Variants in KIF3B observed in about 807,000 individuals in gnomAD.
KIF3B encodes kinesin-like protein KIF3B.
A neutral mutation model predicts 74.3 loss-of-function variants in KIF3B; 38 were observed. That is an observed-to-expected ratio of 0.51 (90% CI 0.39 to 0.67). The LOEUF is 0.67. Ranked by LOEUF, KIF3B falls within the 30% of genes least tolerant of loss-of-function variation. The pLI is 0.00. For synonymous variants in KIF3B, 326 were observed against 342.5 expected (o/e 0.95, Z 0.53); for missense variants, 649 against 932.0 (o/e 0.70, Z 3.95).
intron 5 of KIF3B, among the ~76,000 whole-genome samples, chr20:32,325,055 A>G (rs764180796): frequency 6.6e-6 from 1 of 152,162 alleles, no homozygotes; most frequent in Admixed American, 6.5e-5. Context: ...AATTAATTAA[A>G]TGTGTGTGTC....
intron 1 of KIF3B, among the ~76,000 whole-genome samples, chr20:32,280,300 C>T (rs190526806): frequency 6.6e-6 from 1 of 152,196 alleles, no homozygotes; most frequent in East Asian, 1.9e-4. Flanking sequence ...ATACCAGGTC[C>T]GTCAACCATA....
chr20:32,305,570 C>CAT (rs2047765949), intron 1 of KIF3B, among the ~76,000 whole-genome samples: 1 of 86,906 alleles, frequency 1.2e-5, no homozygotes. Flanking sequence ...ACTCCCCCAC[C>CAT]TTTTTTTTTT....
chr20:32,331,405 C>G lies in KIF3B; in HGVS notation c.*86C>G. Reference sequence around the variant, plus strand: ...AAAAAGCTGCAGAGAGGATTCGGCCCAAACTCAGAACTGTTCCCCTGAGGA... The same window carrying G: ...AAAAAGCTGCAGAGAGGATTCGGCCGAAACTCAGAACTGTTCCCCTGAGGA... On this transcript the variant is annotated 3_prime_UTR_variant, in exon 9 of 9. Transcript: ENST00000375712. 1 of 1,099,476 alleles carries G rather than the reference C, an allele frequency of 9.1e-7. No homozygotes were observed. The allele number at this position is 1,099,476 out of a possible 1,614,324, so 68.1% of individuals were successfully genotyped here.
intron 5 of KIF3B, among the ~76,000 whole-genome samples, chr20:32,323,385 C>G (rs1038611921): frequency 6.6e-6 from 1 of 150,790 alleles, no homozygotes. Context: ...TGAGGCAATT[C>G]TTTTTATTTT....
At position 32,277,701 on chromosome 20, in the gene KIF3B, C is replaced by T. The variant is rs1191934688; in HGVS notation, c.-130C>T. On this transcript the variant is annotated 5_prime_UTR_variant, in exon 1 of 9. Transcript: ENST00000375712. ...GGGGAATGGCTGAGCCAGGGGTTCG[C>T]CGCCCCCGCCGCCGCCGCCGCCGCC... The T allele has an allele frequency of 1.1e-5, 3 of 263,450 alleles. No individual in the cohort carries two copies. The highest frequency in any genetic ancestry group is 2.1e-5 in the Non-Finnish European group (3 of 145,190). The allele number at this position is 263,450 out of a possible 1,614,324, so 16.3% of individuals were successfully genotyped here. A position where few individuals can be genotyped will look rare whatever the true frequency, so the allele number is the denominator to read the frequency against.
chr20:32,327,783 T>A (rs2047911512), intron 7 of KIF3B, 122 bp downstream of exon 7: 1 of 594,394 alleles, frequency 1.7e-6, no homozygotes, highest in African/African-American at 1.9e-5. Context: ...AAGACATTTA[T>A]ACCAATAACA....
At chr20:32,311,948 G>C (rs2047802709) in intron 2 of KIF3B, among the ~76,000 whole-genome samples, 1 of 151,540 alleles carries the variant, frequency 6.6e-6, no homozygotes, top group Non-Finnish European at 1.5e-5. Context: ...GATTACAGGT[G>C]CCTGCCACCA....
chr20:32,297,215 G>C (rs2122670820), intron 1 of KIF3B, among the ~76,000 whole-genome samples: 1 of 152,310 alleles, frequency 6.6e-6, no homozygotes, highest in African/African-American at 2.4e-5. Context: ...AGGTGGTTGC[G>C]TGATCTGATC....
Position 32,325,653 on chromosome 20 carries a change from C to CTTTTTTTTTTTTTTTT in KIF3B, c.1749-1117_1749-1116insTTTTTTTTTTTTTTTT, listed in dbSNP as rs200570783. Among the ~76,000 whole-genome samples the CTTTTTTTTTTTTTTTT allele has an allele frequency of 5.5e-5, 5 of 90,302 alleles. 1 individual carries two copies. Among genetic ancestry groups the CTTTTTTTTTTTTTTTT allele is most frequent in the African/African-American group, 1.6e-4 (4 of 25,740 alleles). The allele number at this position is 90,302 out of a possible 152,430, so 59.2% of individuals were successfully genotyped here. ...TTTTCATTATTATCTCTCTCTCTCT[C>CTTTTTTTTTTTTTTTT]TCTTTTTTTTTTTTTTTTTTTTTTT... On this transcript the variant is annotated intron_variant, in intron 5 of 8. Coordinates refer to ENST00000375712, the MANE Select transcript of KIF3B (RefSeq NM_004798.4).
At chr20:32,284,096 AT>A (rs1048781786) in intron 1 of KIF3B, among the ~76,000 whole-genome samples, 2 of 151,056 alleles carry the variant, frequency 1.3e-5, no homozygotes, top group Admixed American at 6.6e-5. Context: ...AAAAAAAAAA[AT>A]TTTTGTTTTT....
At chr20:32,291,651 T>C (rs1284994025) in intron 1 of KIF3B, among the ~76,000 whole-genome samples, 1 of 151,212 alleles carries the variant, frequency 6.6e-6, no homozygotes, top group African/African-American at 2.4e-5. Context: ...AGTCTCGCTC[T>C]GTCACCCGGG....
chr20:32,312,882 C>T (rs1009663570), intron 2 of KIF3B, among the ~76,000 whole-genome samples: 1 of 152,172 alleles, frequency 6.6e-6, no homozygotes, highest in Non-Finnish European at 1.5e-5. Flanking sequence ...TGAAACACCT[C>T]GCAGCAGGGT....
chr20:32,321,172 G>A (rs1236908893), intron 5 of KIF3B, among the ~76,000 whole-genome samples: 1 of 152,096 alleles, frequency 6.6e-6, no homozygotes, highest in Non-Finnish European at 1.5e-5. Flanking sequence ...GCTCATGCCT[G>A]TAATCCCAGC....
In KIF3B at chr20:32,310,334, G is replaced by A. The variant is rs983286168; in HGVS notation, c.557G>A (p.Ser186Asn). 4.3e-6 allele frequency: 7 copies of A among 1,613,942 alleles called. No individual in the cohort carries two copies. The highest frequency in any genetic ancestry group is 2.2e-5 in the East Asian group (1 of 44,892). The change falls in exon 2 of 9, where the codon AGT (serine) becomes AAT (asparagine). Residue 186 changes from serine (S) to asparagine (N), a missense_variant. Coordinates refer to ENST00000375712, the MANE Select transcript of KIF3B (RefSeq NM_004798.4). The surrounding 1 kb of genome is among the most constrained non-coding windows in gnomAD (Gnocchi z 6.5). ...VKDLSSFVTK[S>N]VKEIEHVMNV... The stretch of plus-strand genomic sequence containing the variant: ...GACCTGTCTTCCTTTGTCACCAAGA[G>A]TGTGAAGGAGATAGAGCATGTGATG...
intron 5 of KIF3B, among the ~76,000 whole-genome samples, chr20:32,323,082 A>C (rs1212970588): frequency 9.4e-6 from 1 of 106,762 alleles, no homozygotes; most frequent in Non-Finnish European, 1.8e-5. Flanking sequence ...ATATATTTAT[A>C]TATATTTATA....
intron 2 of KIF3B, among the ~76,000 whole-genome samples, chr20:32,314,356 A>G (rs541618390): frequency 6.6e-6 from 1 of 152,286 alleles, no homozygotes; most frequent in African/African-American, 2.4e-5. Context: ...CCTGGCCAAC[A>G]TGGTGAAACC....
intron 2 of KIF3B, 36 bp downstream of exon 2, chr20:32,311,217 T>C: frequency 6.6e-7 from 1 of 1,522,690 alleles, no homozygotes; most frequent in Non-Finnish European, 8.8e-7. Context: ...GCCCTTGCCC[T>C]GTCACTGCTT....
At chr20:32,328,201 A>G (rs1251049352) in intron 7 of KIF3B, among the ~76,000 whole-genome samples, 1 of 151,336 alleles carries the variant, frequency 6.6e-6, no homozygotes, top group Admixed American at 6.6e-5. Context: ...AGGTTGGTGG[A>G]TCACCTGAGG....
intron 1 of KIF3B, among the ~76,000 whole-genome samples, chr20:32,288,405 C>T (rs1340928262): frequency 6.6e-6 from 1 of 152,106 alleles, no homozygotes; most frequent in Non-Finnish European, 1.5e-5. Context: ...CAAGTTCAAG[C>T]CCAGGAGTTC....
Sources: gnomAD v4.1 joint callset for allele counts (sites outside exome capture counted in the v4.1 genomes callset) on GRCh38, gnomAD v4.1.1 for gene constraint, Gnocchi (gnomAD v3.1) non-coding constraint, MANE v1.5 for transcripts, NCBI Gene and HGNC (gene_info 2026-07-23, HGNC 2026-07-21) for gene names.